The following PDE4D variants were observed in gnomAD, a reference collection of about 807,000 sequenced individuals.
PDE4D encodes the protein phosphodiesterase 4D.
Under a neutral mutation model 87.4 loss-of-function variants are expected in PDE4D, and 24 were observed. That is an observed-to-expected ratio of 0.27 (90% CI 0.20 to 0.39). PDE4D has a LOEUF of 0.39. Ranked by LOEUF, PDE4D falls within the 10% of genes least tolerant of loss-of-function variation. PDE4D has a pLI of 1.00. For synonymous variants in PDE4D, 384 were observed against 383.2 expected, an observed-to-expected ratio of 1.00 and a Z score of -0.02; for missense variants, 714 against 1,041.0, an observed-to-expected ratio of 0.69 and a Z score of 4.32.
At chr5:59,891,429 A>G (rs1184529295) in intron 1 of PDE4D, among the ~76,000 whole-genome samples, 1 of 152,228 alleles carries the variant, frequency 6.6e-6, no homozygotes, top group African/African-American at 2.4e-5. Flanking sequence ...TATACAAAGT[A>G]TCAGGCTTGC....
chr5:60,355,561 G>A (rs1171095712), intron 1 of PDE4D, among the ~76,000 whole-genome samples: 2 of 152,100 alleles, frequency 1.3e-5, no homozygotes, highest in Non-Finnish European at 1.5e-5. Context: ...TGAACAAGGT[G>A]GGGGTTGGGG....
At chr5:59,675,522 T>C (rs1052596986) in intron 1 of PDE4D, among the ~76,000 whole-genome samples, 142 of 152,326 alleles carry the variant, frequency 9.3e-4, no homozygotes, top group Middle Eastern at 3.4e-3. Flanking sequence ...CCCTCTGACC[T>C]GGGTTCAAAT....
intron 1 of PDE4D, among the ~76,000 whole-genome samples, chr5:59,870,359 G>C (rs1351379390): frequency 6.6e-6 from 1 of 152,092 alleles, no homozygotes; most frequent in Non-Finnish European, 1.5e-5. Context: ...CTTTTACAAA[G>C]TGATATGTGG....
chr5:59,677,061 A>G (rs1748210704), intron 1 of PDE4D, among the ~76,000 whole-genome samples: 1 of 152,170 alleles, frequency 6.6e-6, no homozygotes, highest in East Asian at 1.9e-4. Context: ...AAAGGAAAAA[A>G]AGAGAAAAAA....
chr5:60,326,729 T>A (rs1221315451), intron 1 of PDE4D, among the ~76,000 whole-genome samples: 1 of 152,160 alleles, frequency 6.6e-6, no homozygotes, highest in African/African-American at 2.4e-5. Context: ...GTTAAAGAAC[T>A]CACAGATTGT....
intron 5 of PDE4D, among the ~76,000 whole-genome samples, chr5:59,159,202 C>CA: frequency 6.6e-6 from 1 of 152,086 alleles, no homozygotes; most frequent in Non-Finnish European, 1.5e-5. Context: ...GATCATAGCT[C>CA]ATTGCAGCCT....
intron 2 of PDE4D, among the ~76,000 whole-genome samples, chr5:60,158,834 G>A (rs754399622): frequency 2.0e-5 from 3 of 152,194 alleles, no homozygotes; most frequent in Admixed American, 6.5e-5. Flanking sequence ...CTCCCAAAGT[G>A]CTGGGATTAC....
chr5:58,996,757 A>C (rs1749328490), intron 6 of PDE4D, among the ~76,000 whole-genome samples: 1 of 152,234 alleles, frequency 6.6e-6, no homozygotes, highest in Non-Finnish European at 1.5e-5. Flanking sequence ...AAAAGAATAT[A>C]AAGAACGAAG....
intron 2 of PDE4D, among the ~76,000 whole-genome samples, chr5:60,071,401 G>A (rs1246419400): frequency 6.6e-6 from 1 of 151,956 alleles, no homozygotes; most frequent in African/African-American, 2.4e-5. Flanking sequence ...ATTAAAAGCT[G>A]CCAAATTAAA....
At chr5:59,732,502 GA>G (rs1466328994) in intron 1 of PDE4D, among the ~76,000 whole-genome samples, 3 of 151,406 alleles carry the variant, frequency 2.0e-5, no homozygotes, top group Non-Finnish European at 4.4e-5. Context: ...GCTTTGTTTT[GA>G]TCAGCAAGTT....
At chr5:60,188,822 T>C (rs537632471) in intron 1 of PDE4D, among the ~76,000 whole-genome samples, 1 of 152,336 alleles carries the variant, frequency 6.6e-6, no homozygotes, top group South Asian at 2.1e-4. Context: ...TATTCACACC[T>C]GATTTGTCTG....
intron 1 of PDE4D, among the ~76,000 whole-genome samples, chr5:59,581,128 G>C (rs1309047776): frequency 1.3e-5 from 2 of 152,150 alleles, no homozygotes; most frequent in African/African-American, 4.8e-5. Flanking sequence ...TTGAGCTATT[G>C]CAAAAATGTG....
At chr5:60,131,776 C>T (rs1194481449) in intron 2 of PDE4D, among the ~76,000 whole-genome samples, 2 of 152,200 alleles carry the variant, frequency 1.3e-5, no homozygotes, top group African/African-American at 4.8e-5. Context: ...TAAAGTGGCT[C>T]ATTGGGCAGC....
intron 1 of PDE4D, among the ~76,000 whole-genome samples, chr5:59,304,293 TGGA>T (rs2153561828): frequency 6.6e-6 from 1 of 152,248 alleles, no homozygotes; most frequent in Admixed American, 6.5e-5. Flanking sequence ...AGGAGCTTGC[TGGA>T]GGAGTTCTTA....
At chr5:59,364,906 A>G (rs958477787) in intron 1 of PDE4D, among the ~76,000 whole-genome samples, 7 of 147,122 alleles carry the variant, frequency 4.8e-5, no homozygotes, top group Non-Finnish European at 1.0e-4. Flanking sequence ...CCTTCCTTCT[A>G]CTCACAAATG....
chr5:60,467,187 A>G (rs927602897), intron 1 of PDE4D, among the ~76,000 whole-genome samples: 4 of 151,750 alleles, frequency 2.6e-5, no homozygotes, highest in Non-Finnish European at 5.9e-5. Flanking sequence ...TTACAGGCAC[A>G]CACCACCACA....
chr5:59,164,590 T>C (rs972780499), intron 5 of PDE4D, among the ~76,000 whole-genome samples: 3 of 152,206 alleles, frequency 2.0e-5, no homozygotes, highest in African/African-American at 7.2e-5. Flanking sequence ...TTCTCTGTAT[T>C]GATTTAATGA....
chr5:59,337,324 C>T (rs1050269329), intron 1 of PDE4D, among the ~76,000 whole-genome samples: 3 of 100,364 alleles, frequency 3.0e-5, no homozygotes, highest in Non-Finnish European at 6.7e-5. Flanking sequence ...TTCATAAGTT[C>T]CCCCCCCCCC....
chr5:59,097,505 G>A (rs929820), intron 5 of PDE4D, among the ~76,000 whole-genome samples: 64,242 of 151,920 alleles, frequency 0.42, 14,689 homozygotes, highest in East Asian at 0.74. Flanking sequence ...ATCACACCAA[G>A]GCATAATCAT....
Sources: allele counts gnomAD v4.1 joint callset (sites outside exome capture counted in the v4.1 genomes callset), GRCh38; gene constraint gnomAD v4.1.1; transcripts MANE v1.5; gene names NCBI Gene and HGNC (gene_info 2026-07-23, HGNC 2026-07-21).